The following SPTA1 variants were observed in gnomAD, a reference collection of about 807,000 sequenced individuals.
The protein encoded by SPTA1 is spectrin alpha, erythrocytic 1.
SPTA1 carries 177 observed loss-of-function variants against 324.7 expected under a neutral mutation model. The observed-to-expected ratio is 0.55, with a 90% CI of 0.48 to 0.62. The LOEUF (loss-of-function observed/expected upper bound fraction) is 0.62. Among genes scored for constraint, SPTA1 ranks in the 20% least tolerant of loss-of-function variants. The pLI is 0.00. For missense variants in SPTA1, 3,162 were observed against 2,883.6 expected (o/e 1.10, Z -2.21); for synonymous variants, 1,195 against 1,041.3 (o/e 1.15, Z -2.84).
At chr1:158,628,664 T>A (rs1486357844) in intron 39 of SPTA1, among the ~76,000 whole-genome samples, 1 of 152,168 alleles carries the variant, frequency 6.6e-6, no homozygotes, top group African/African-American at 2.4e-5. Context: ...TATTTTTATA[T>A]ATGTATACTG....
In SPTA1 at chr1:158,638,222, T is replaced by C. The variant is rs1651235079; in HGVS notation, c.5000A>G (p.Asn1667Ser). The C allele has an allele frequency of 6.2e-7, 1 of 1,612,816 alleles. No individual in the cohort carries two copies. The change falls in exon 36 of 52, where the codon AAT becomes AGT. Residue 1667 changes from asparagine to serine, a missense_variant. Transcript: ENST00000643759. ...LAREDALKDL[N>S]TLAEDLLSSG... ...GGAGAGCAAATCTTCAGCCAATGTATTCAGGTCCTTGAGTGCATCCTAGAA... is the reference window on the plus strand; with the variant it reads ...GGAGAGCAAATCTTCAGCCAATGTACTCAGGTCCTTGAGTGCATCCTAGAA...
chr1:158,680,113 C>A (rs571637183), intron 5 of SPTA1, among the ~76,000 whole-genome samples: 9 of 151,806 alleles, frequency 5.9e-5, no homozygotes, highest in Admixed American at 3.9e-4. Flanking sequence ...AAAGTAAAAC[C>A]GCTTCCTTTC....
chr1:158,613,891 A>T (rs756470383), intron 49 of SPTA1, 24 bp from the exon 50 acceptor site: 27 of 1,610,228 alleles, frequency 1.7e-5, no homozygotes, highest in Admixed American at 1.2e-4. Flanking sequence ...AAAGAAAAAA[A>T]AATTTATCAA....
Position 158,674,428 on chromosome 1 carries a change from A to T in SPTA1, c.1251T>A (p.His417Gln). 2 of 1,613,986 alleles carry T rather than the reference A, an allele frequency of 1.2e-6. No individual in the cohort carries two copies. The highest frequency in any genetic ancestry group is 2.2e-5 in the East Asian group (1 of 44,876). The stretch of plus-strand genomic sequence containing the variant: ...ATCGGTCATCGTAAGAGTCAATCTC[A>T]TGCTGTGGCCACAAAACAAAGTGTC... ...VLLDRHQQHK[H>Q]EIDSYDDRFQ... Residue 417 changes from histidine (H) to glutamine (Q), a missense_variant and splice_region_variant, in exon 10 of 52, where the codon CAT (histidine) becomes CAA (glutamine). By Grantham distance (24) the His-to-Gln change is conservative. Transcript: ENST00000643759.
chr1:158,633,496 T>TA (rs1431243056), intron 39 of SPTA1, among the ~76,000 whole-genome samples: 3 of 151,456 alleles, frequency 2.0e-5, no homozygotes, highest in African/African-American at 7.3e-5. Context: ...CCTTGTCTAC[T>TA]AAAAATACAA....
At position 158,674,336 on chromosome 1, in the gene SPTA1, C is replaced by G. The variant is rs761263855; in HGVS notation, c.1343G>C (p.Arg448Pro). 1.9e-6 allele frequency: 3 copies of G among 1,613,814 alleles called. No individual in the cohort carries two copies. The African/African-American group carries it at 4.0e-5, about 22-fold the overall frequency. ...NANHEASDEV[R>P]EKMEILDNNW... The stretch of plus-strand genomic sequence containing the variant: ...TCTGTTAAACTAGATTACCTTTTCC[C>G]GAACTTCATCAGAGGCTTCATGATT... The change falls in exon 10 of 52, where the codon CGG becomes CCG. Residue 448 changes from arginine to proline, a missense_variant. Coordinates refer to ENST00000643759, the MANE Select transcript of SPTA1 (RefSeq NM_003126.4).
At chr1:158,640,889 C>T (rs113517343) in intron 33 of SPTA1, among the ~76,000 whole-genome samples, 4 of 152,256 alleles carry the variant, frequency 2.6e-5, no homozygotes, top group South Asian at 2.1e-4. Context: ...GGAGGCATCA[C>T]GCTACCTGAC....
Position 158,645,265 on chromosome 1 carries a change from C to T in SPTA1, c.4117G>A (p.Val1373Ile), listed in dbSNP as rs777941798. 2 of 1,613,948 alleles carry T rather than the reference C, an allele frequency of 1.2e-6. No homozygotes were observed. The highest frequency in any genetic ancestry group is 2.2e-5 in the East Asian group (1 of 44,892). The part of the protein sequence containing the change: ...SPEIEKKLQA[V>I]KLERDDLEKA... The stretch of plus-strand genomic sequence containing the variant: ...TCCAAATCATCTCTCTCTAGCTTGA[C>T]AGCTTGAAGCTTTTTTTCAATTTCA... The change falls in exon 29 of 52, where the codon GTC becomes ATC. Residue 1373 changes from valine (V) to isoleucine (I), a missense_variant. By Grantham distance (29) the Val-to-Ile change is conservative. Transcript: ENST00000643759.
At chr1:158,662,385 A>G (rs1374201226) in intron 17 of SPTA1, among the ~76,000 whole-genome samples, 1 of 152,126 alleles carries the variant, frequency 6.6e-6, no homozygotes, top group East Asian at 1.9e-4. Context: ...CTAAACACAA[A>G]CACTTAGTAT....
At chr1:158,616,771 A>G (rs1360175245) in intron 47 of SPTA1, among the ~76,000 whole-genome samples, 1 of 152,188 alleles carries the variant, frequency 6.6e-6, no homozygotes, top group African/African-American at 2.4e-5. Context: ...TTTTAGATAT[A>G]TACCCAGTAA....
chr1:158,614,989 C>G (rs1427312158), intron 48 of SPTA1: 2 of 528,104 alleles, frequency 3.8e-6, no homozygotes, highest in Non-Finnish European at 6.7e-6. Flanking sequence ...AGTTGTTGTC[C>G]AAGTGGGTGA....
Position 158,647,637 on chromosome 1 carries a change from C to T in SPTA1, c.3798G>A (p.Glu1266=). ...GCAGGTCTTCCCAGGCCTCATTCAG[C>T]TCCATTTTCTGTCTCTGCAGGTCCT... The part of the protein sequence containing the change: ...ATEDLQRQKM[E]LNEAWEDLQG... Residue 1266 remains glutamate, a synonymous_variant, in exon 27 of 52, where the codon GAG becomes GAA. Transcript: ENST00000643759. 3 of 1,613,984 alleles carry T rather than the reference C, an allele frequency of 1.9e-6. No individual in the cohort carries two copies. The highest frequency in any genetic ancestry group is 2.5e-6 in the Non-Finnish European group (3 of 1,179,946).
In SPTA1 at chr1:158,611,017, T is replaced by C. The variant is rs907886894; in HGVS notation, c.*247A>G. ...TAGAAACTTTGACACCCCTCAGCAGTGACTAGTTGCATACAAAATAGCTTC... is the reference window on the plus strand; with the variant it reads ...TAGAAACTTTGACACCCCTCAGCAGCGACTAGTTGCATACAAAATAGCTTC... On this transcript the variant is annotated 3_prime_UTR_variant, in exon 52 of 52. Transcript: ENST00000643759. 2 of 497,694 alleles carry C rather than the reference T, an allele frequency of 4.0e-6. No homozygotes were observed. The highest frequency in any genetic ancestry group is 3.9e-5 in the African/African-American group (2 of 51,296). The allele number at this position is 497,694 out of a possible 1,614,324, so 30.8% of individuals were successfully genotyped here.
At chr1:158,616,909 T>A (rs1266843438) in intron 47 of SPTA1, among the ~76,000 whole-genome samples, 2 of 152,218 alleles carry the variant, frequency 1.3e-5, no homozygotes, top group African/African-American at 2.4e-5. Flanking sequence ...TCCTTGTTTT[T>A]TTAATAAAAG....
At position 158,657,460 on chromosome 1, in the gene SPTA1, A is replaced by C; in HGVS notation, c.2805+17T>G. The C allele has an allele frequency of 6.7e-7, 1 of 1,495,598 alleles. No individual in the cohort carries two copies. Among genetic ancestry groups the C allele is most frequent in the Non-Finnish European group, 9.3e-7 (1 of 1,077,584 alleles). The allele number at this position is 1,495,598 out of a possible 1,614,324, so 92.6% of individuals were successfully genotyped here. ...GTTTGTTGAGGATTCACAATGTTAA[A>C]CCCACCCCCACCTTACCCCAGCTGC... On this transcript the variant is annotated intron_variant, in intron 19 of 51. Coordinates refer to ENST00000643759, the MANE Select transcript of SPTA1 (RefSeq NM_003126.4).
Position 158,654,642 on chromosome 1 carries a change from T to A in SPTA1, c.3005A>T (p.Asp1002Val). 6.2e-7 allele frequency: 1 copy of A among 1,613,808 alleles called. No individual in the cohort carries two copies. Among genetic ancestry groups the A allele is most frequent in the Non-Finnish European group, 8.5e-7 (1 of 1,179,944 alleles). ...GATGGAACTGAGCAGCGTTAAGACA[T>A]CACCTTTCTTCATGGTGACTTCTCG... is the stretch of plus-strand genomic sequence containing the variant. ...SPREVTMKKG[D>V]VLTLLSSINK... is the part of the protein sequence containing the mutation. Residue 1002 changes from aspartate to valine, a missense_variant, in exon 21 of 52, where the codon GAT becomes GTT. Transcript: ENST00000643759.
intron 11 of SPTA1, 83 bp from the exon 12 acceptor site, chr1:158,671,536 A>C (rs1051075934): frequency 3.7e-6 from 4 of 1,094,068 alleles, no homozygotes; most frequent in Middle Eastern, 2.9e-4. Context: ...GACAAGGACT[A>C]AGGCAGGAGG....
intron 3 of SPTA1, among the ~76,000 whole-genome samples, chr1:158,682,864 TG>T (rs1448969917): frequency 6.6e-6 from 1 of 152,126 alleles, no homozygotes; most frequent in African/African-American, 2.4e-5. Context: ...ACATGACATT[TG>T]GGAGTTTTTA....
chr1:158,686,385 G>A (rs1655176634), intron 1 of SPTA1, 109 bp downstream of exon 1: 1 of 856,280 alleles, frequency 1.2e-6, no homozygotes. Flanking sequence ...TTTGTTAAAA[G>A]CCAAATAATT....
Sources: allele counts gnomAD v4.1 joint callset (sites outside exome capture counted in the v4.1 genomes callset), GRCh38; gene constraint gnomAD v4.1.1; transcripts MANE v1.5; gene names NCBI Gene and HGNC (gene_info 2026-07-23, HGNC 2026-07-21).